The following MOCOS variants were observed in gnomAD, a reference collection of about 807,000 sequenced individuals.
MOCOS encodes the protein human molybdenum cofactor sulfurase.
Under a neutral mutation model 83.6 loss-of-function variants are expected in MOCOS, and 86 were observed. That is an observed-to-expected ratio of 1.03 (90% CI 0.86 to 1.23). The LOEUF is 1.23. Ranked by LOEUF, MOCOS falls within the 50% of genes most tolerant of loss-of-function variation. MOCOS has a pLI of 0.00. For missense variants in MOCOS, 1,120 were observed against 1,126.9 expected (o/e 0.99, Z 0.09); for synonymous variants, 445 against 434.7 (o/e 1.02, Z -0.29).
intron 1 of MOCOS, among the ~76,000 whole-genome samples, chr18:36,189,133 C>T (rs1205124476): frequency 1.3e-5 from 2 of 152,104 alleles, no homozygotes; most frequent in Non-Finnish European, 2.9e-5. Flanking sequence ...TATTGGCCAA[C>T]CTCTCCCCTC....
chr18:36,197,142 A>G (rs1349837668), intron 2 of MOCOS, among the ~76,000 whole-genome samples: 1 of 152,180 alleles, frequency 6.6e-6, no homozygotes, highest in Non-Finnish European at 1.5e-5. Context: ...TAAGGGCAGC[A>G]CAGTGGCCCC....
intron 9 of MOCOS, 109 bp downstream of exon 9, chr18:36,220,326 T>G: frequency 7.2e-7 from 1 of 1,380,932 alleles, no homozygotes. Context: ...GGCAATACAG[T>G]GAGACCTCAT....
intron 13 of MOCOS, among the ~76,000 whole-genome samples, chr18:36,261,493 C>G (rs2091663300): frequency 6.6e-6 from 1 of 152,150 alleles, no homozygotes; most frequent in South Asian, 2.1e-4. Flanking sequence ...ACCTTGTATT[C>G]AGGCTCTGCA....
At chr18:36,221,728 G>GT (rs10701522) in intron 9 of MOCOS, among the ~76,000 whole-genome samples, 75,463 of 132,516 alleles carry the variant, frequency 0.57, 23,947 homozygotes, top group South Asian at 0.8. Context: ...ATATCCCATT[G>GT]TTTTTTTTTT....
intron 9 of MOCOS, among the ~76,000 whole-genome samples, chr18:36,236,930 G>T (rs1460578846): frequency 1.3e-5 from 2 of 152,062 alleles, no homozygotes; most frequent in African/African-American, 4.8e-5. Flanking sequence ...TTGGCTCTCT[G>T]TTTTTCTGTT....
intron 12 of MOCOS, among the ~76,000 whole-genome samples, chr18:36,259,448 CA>C (rs397858504): frequency 0.07 from 6,429 of 92,380 alleles, 133 homozygotes; most frequent in East Asian, 0.15. Flanking sequence ...GACCTTGTCT[CA>C]AAAAAAAAAA....
chr18:36,239,121 T>G (rs2144941222), intron 9 of MOCOS, among the ~76,000 whole-genome samples: 1 of 150,398 alleles, frequency 6.6e-6, no homozygotes, highest in South Asian at 2.1e-4. Context: ...ATTGGAGCAT[T>G]TAGTCCATTT....
At position 36,187,506 on chromosome 18, in the gene MOCOS, G is replaced by T. The variant is rs758769102; in HGVS notation, c.-34G>T. 2 of 1,228,140 alleles carry T rather than the reference G, an allele frequency of 1.6e-6. No homozygotes were observed. Among genetic ancestry groups the T allele is most frequent in the South Asian group, 4.1e-5 (1 of 24,468 alleles). The allele number at this position is 1,228,140 out of a possible 1,614,324, so 76.1% of individuals were successfully genotyped here. ...CGGGGGCCGGCTTCGCGCACTTCCC[G>T]GGCCCGGCCGGCCTGGATGGACTAG... On this transcript the variant is annotated 5_prime_UTR_variant, in exon 1 of 15. Coordinates refer to ENST00000261326, the MANE Select transcript of MOCOS (RefSeq NM_017947.4).
intron 13 of MOCOS, among the ~76,000 whole-genome samples, chr18:36,260,897 C>T (rs1029995315): frequency 6.6e-6 from 1 of 151,750 alleles, no homozygotes; most frequent in African/African-American, 2.4e-5. Context: ...TAGCCCTTGC[C>T]ATCCCTTCTG....
chr18:36,248,851 AG>A (rs2091611960), intron 9 of MOCOS, 70 bp from the exon 10 acceptor site: 3 of 1,250,874 alleles, frequency 2.4e-6, no homozygotes, highest in Middle Eastern at 2.0e-4. Flanking sequence ...ACAGCTTTGT[AG>A]TATATTTTGA....
chr18:36,212,013 C>T (rs1598876358), intron 6 of MOCOS, among the ~76,000 whole-genome samples: 1 of 152,174 alleles, frequency 6.6e-6, no homozygotes, highest in African/African-American at 2.4e-5. Flanking sequence ...GCAAGGATGC[C>T]AAGCCACATG....
intron 1 of MOCOS, 92 bp from the exon 2 acceptor site, chr18:36,195,165 T>C: frequency 1.9e-6 from 2 of 1,038,206 alleles, no homozygotes; most frequent in Non-Finnish European, 3.0e-6. Context: ...AGTGGCCTGA[T>C]GTTACGTCTG....
intron 11 of MOCOS, chr18:36,256,745 A>T (rs774749337): frequency 4.3e-5 from 21 of 483,634 alleles, no homozygotes; most frequent in Non-Finnish European, 6.9e-5. Context: ...CCTTATTGTT[A>T]TTTTCTCCAC....
chr18:36,254,662 C>G (rs1307348607), intron 11 of MOCOS, among the ~76,000 whole-genome samples: 1 of 151,218 alleles, frequency 6.6e-6, no homozygotes, highest in Non-Finnish European at 1.5e-5. Flanking sequence ...TCTTTTATTT[C>G]TTTCCTTTTC....
chr18:36,190,518 G>A (rs2091360869), intron 1 of MOCOS, among the ~76,000 whole-genome samples: 1 of 152,074 alleles, frequency 6.6e-6, no homozygotes, highest in South Asian at 2.1e-4. Flanking sequence ...GGAGGCTGAG[G>A]TGGGCAGATC....
At chr18:36,240,719 G>A (rs1197055521) in intron 9 of MOCOS, among the ~76,000 whole-genome samples, 3 of 152,112 alleles carry the variant, frequency 2.0e-5, no homozygotes, top group Non-Finnish European at 2.9e-5. Context: ...AATGGTGGGC[G>A]CCCCTCCCCC....
chr18:36,225,172 A>C (rs1277113526), intron 9 of MOCOS, among the ~76,000 whole-genome samples: 1 of 151,734 alleles, frequency 6.6e-6, no homozygotes, highest in Non-Finnish European at 1.5e-5. Flanking sequence ...TTTGTTTTTG[A>C]GACGGAGTCT....
rs2091563018 is a variant in MOCOS, at chr18:36,237,259, G to C, written c.1961-11663G>C. On this transcript the variant is annotated intron_variant, in intron 9 of 14. Coordinates refer to ENST00000261326, the MANE Select transcript of MOCOS (RefSeq NM_017947.4). ...GTTTTTGCCCATTCAGTATGATATT[G>C]GCTGTGGGTTTGTCATAGATAGCTC... Among the ~76,000 whole-genome samples, 5 of 149,038 alleles carry C rather than the reference G, an allele frequency of 3.4e-5. No individual in the cohort carries two copies. The South Asian group carries it at 1.1e-3, about 33-fold the overall frequency.
At chr18:36,204,527 CATT>C (rs1047142999) in intron 5 of MOCOS, among the ~76,000 whole-genome samples, 8 of 152,214 alleles carry the variant, frequency 5.3e-5, no homozygotes, top group African/African-American at 1.9e-4. Context: ...GTTTAAGTAA[CATT>C]ATGTATAAAA....
Sources: gnomAD v4.1 joint callset for allele counts (sites outside exome capture counted in the v4.1 genomes callset) on GRCh38, gnomAD v4.1.1 for gene constraint, MANE v1.5 for transcripts, NCBI Gene and HGNC (gene_info 2026-07-23, HGNC 2026-07-21) for gene names.